Variants in JHY observed in about 807,000 individuals in gnomAD.
JHY encodes the protein jhy protein homolog.
JHY carries 69 observed loss-of-function variants against 78.0 expected under a neutral mutation model. That is an observed-to-expected ratio of 0.88 (90% CI 0.73 to 1.08). The LOEUF (loss-of-function observed/expected upper bound fraction) is 1.08. Among genes scored for constraint, JHY ranks in the 50% least tolerant of loss-of-function variants. The probability of loss-of-function intolerance (pLI) is 0.00; values close to 1 mark genes in which losing one functional copy is unlikely to be tolerated. For missense variants in JHY, 944 were observed against 927.8 expected, an observed-to-expected ratio of 1.02 and a Z score of -0.23; for synonymous variants, 368 against 342.6, an observed-to-expected ratio of 1.07 and a Z score of -0.82.
chr11:122,930,851 A>G (rs4128282), intron 4 of JHY, among the ~76,000 whole-genome samples: 25,412 of 152,150 alleles, frequency 0.17, 3,234 homozygotes, highest in African/African-American at 0.35. Flanking sequence ...TTGTGCTGCT[A>G]TAACAAAATA....
chr11:122,946,357 G>A, intron 5 of JHY, 141 bp from the exon 6 acceptor site: 1 of 866,622 alleles, frequency 1.2e-6, no homozygotes, highest in Non-Finnish European at 1.7e-6. Context: ...ATGTATTCAT[G>A]AAAAGATTAA....
chr11:122,914,648 T>A (rs1356082863), intron 3 of JHY, among the ~76,000 whole-genome samples: 1 of 152,036 alleles, frequency 6.6e-6, no homozygotes, highest in Non-Finnish European at 1.5e-5. Flanking sequence ...GTTCACCATG[T>A]TGGTCAGGCT....
rs140956136 is a variant in JHY, at chr11:122,960,496, G to A, written c.*1051G>A. 2.5e-4 allele frequency: 59 copies of A among 232,098 alleles called. No homozygotes were observed. The highest frequency in any genetic ancestry group is 7.6e-4 in the African/African-American group (33 of 43,372). The allele number at this position is 232,098 out of a possible 1,614,324, so 14.4% of individuals were successfully genotyped here. ...TCCTTTTCCTATAGAGGAAAAGTTC[G>A]TTTTGGGCTGATCCCTGAGGAATTC... On this transcript the variant is annotated 3_prime_UTR_variant, in exon 9 of 9. Coordinates refer to ENST00000227349, the MANE Select transcript of JHY (RefSeq NM_024806.4).
chr11:122,919,462 C>T (rs956787932), intron 3 of JHY, among the ~76,000 whole-genome samples: 3 of 151,854 alleles, frequency 2.0e-5, no homozygotes, highest in African/African-American at 7.3e-5. Context: ...CAATGGTGCC[C>T]CTGGCGCATC....
rs1233441880 is a variant in JHY, at chr11:122,961,919, C to T, written c.*2474C>T. Among the ~76,000 whole-genome samples, 1 of 152,178 alleles carries T rather than the reference C, an allele frequency of 6.6e-6. No homozygotes were observed. The highest frequency in any genetic ancestry group is 1.9e-4 in the East Asian group (1 of 5,196). ...AAACCCTCCAACAAGTCCAGAAACA[C>T]CTAATGCAGGCAACTCTGAGAGACA... On this transcript the variant is annotated 3_prime_UTR_variant, in exon 9 of 9. Transcript: ENST00000227349.
intron 2 of JHY, among the ~76,000 whole-genome samples, chr11:122,892,787 AG>A (rs1037704284): frequency 6.6e-6 from 1 of 152,210 alleles, no homozygotes; most frequent in Non-Finnish European, 1.5e-5. Flanking sequence ...AGAAAGACTT[AG>A]GGAAGACCAA....
chr11:122,899,306 G>A (rs1258057729), intron 2 of JHY, among the ~76,000 whole-genome samples: 1 of 152,014 alleles, frequency 6.6e-6, no homozygotes, highest in African/African-American at 2.4e-5. Context: ...CATAAATATG[G>A]GAAAATAGCA....
intron 2 of JHY, among the ~76,000 whole-genome samples, chr11:122,901,019 G>A (rs559420866): frequency 3.9e-5 from 6 of 152,266 alleles, no homozygotes; most frequent in East Asian, 1.9e-4. Flanking sequence ...ACAGGGGTAC[G>A]TTCTGAGAAA....
rs1864335035 is a variant in JHY, at chr11:122,962,453, G to A, written c.*3008G>A. On this transcript the variant is annotated 3_prime_UTR_variant, in exon 9 of 9. Coordinates refer to ENST00000227349, the MANE Select transcript of JHY (RefSeq NM_024806.4). ...ATCTGAAGATAAACAGAAAACTGGTGAATCATGTTTCAGTGGGATTTGGAA... is the reference window on the plus strand; with the variant it reads ...ATCTGAAGATAAACAGAAAACTGGTAAATCATGTTTCAGTGGGATTTGGAA... Among the ~76,000 whole-genome samples the A allele has an allele frequency of 6.6e-6, 1 of 152,140 alleles. No homozygotes were observed. Among genetic ancestry groups the A allele is most frequent in the African/African-American group, 2.4e-5 (1 of 41,420 alleles).
chr11:122,957,255 C>A, intron 7 of JHY, 108 bp from the exon 8 acceptor site: 1 of 1,264,784 alleles, frequency 7.9e-7, no homozygotes, highest in Non-Finnish European at 1.1e-6. Flanking sequence ...TGCTCCTGTA[C>A]AGCTGATAAG....
intron 2 of JHY, among the ~76,000 whole-genome samples, chr11:122,893,621 G>T (rs994288409): frequency 6.6e-6 from 1 of 152,162 alleles, no homozygotes; most frequent in Admixed American, 6.5e-5. Flanking sequence ...ATAATGAAAT[G>T]ACTAAAGGGA....
chr11:122,894,799 A>G (rs1862704296), intron 2 of JHY, among the ~76,000 whole-genome samples: 1 of 152,214 alleles, frequency 6.6e-6, no homozygotes, highest in African/African-American at 2.4e-5. Context: ...CAAATTATGT[A>G]TTTTTATAAA....
rs1461389907 is a variant in JHY at position 122,885,818 on chromosome 11, G to C, written c.-32G>C. On this transcript the variant is annotated 5_prime_UTR_variant, in exon 2 of 9. Coordinates refer to ENST00000227349, the MANE Select transcript of JHY (RefSeq NM_024806.4). ...CAGCCAGCTGCTCCTATCAACACGA[G>C]TATCCCCTGTTAATTTTTTGCATTT... 2 of 1,526,234 alleles carry C rather than the reference G, an allele frequency of 1.3e-6. No individual in the cohort carries two copies. Among genetic ancestry groups the C allele is most frequent in the East Asian group, 4.5e-5 (2 of 44,156 alleles). 94.5% of individuals were successfully genotyped at this position (1,526,234 alleles called of 1,614,324 possible). A position where few individuals can be genotyped will look rare whatever the true frequency, so the allele number is the denominator to read the frequency against.
Position 122,882,775 on chromosome 11 carries a change from T to A in JHY, c.-287T>A. The A allele has an allele frequency of 6.5e-6, 1 of 152,856 alleles. No homozygotes were observed. Among genetic ancestry groups the A allele is most frequent in the South Asian group, 1.8e-4 (1 of 5,416 alleles). 9.5% of individuals were successfully genotyped at this position (152,856 alleles called of 1,614,324 possible). ...GTCGTTATTACGGCCGTTTGCAGCCTCCGTGCCAGGGCCGGGGGTGCGGTT... is the reference window on the plus strand; with the variant it reads ...GTCGTTATTACGGCCGTTTGCAGCCACCGTGCCAGGGCCGGGGGTGCGGTT... On this transcript the variant is annotated 5_prime_UTR_variant, in exon 1 of 9. Transcript: ENST00000227349.
chr11:122,886,988 G>A (rs1354825115), intron 2 of JHY, among the ~76,000 whole-genome samples: 1 of 152,130 alleles, frequency 6.6e-6, no homozygotes, highest in Non-Finnish European at 1.5e-5. Flanking sequence ...AAAAAGTAAG[G>A]GAATATGAAA....
chr11:122,957,334 A>G (rs1219659463), intron 7 of JHY, 29 bp from the exon 8 acceptor site: 1 of 1,506,604 alleles, frequency 6.6e-7, no homozygotes, highest in African/African-American at 1.5e-5. Context: ...CAGCACCTGG[A>G]TTCATCATAA....
chr11:122,923,740 C>T (rs914167479), intron 3 of JHY, among the ~76,000 whole-genome samples: 2 of 151,712 alleles, frequency 1.3e-5, no homozygotes, highest in South Asian at 2.1e-4. Context: ...TATTTTGAGA[C>T]GGAGGCTCAC....
rs764739561 is a variant in JHY, at chr11:122,904,024, G to A, written c.444G>A (p.Pro148=). The change falls in exon 3 of 9, where the codon CCG becomes CCA. Residue 148 remains proline (P), a synonymous_variant. Coordinates refer to ENST00000227349, the MANE Select transcript of JHY (RefSeq NM_024806.4). ...EGQLLSVEAL[P]ESTDSSLENL... is the part of the protein sequence containing the mutation. Reference sequence around the variant, plus strand: ...AGCTGCTGTCTGTGGAAGCGTTGCCGGAGTCCACGGACAGCTCTTTAGAAA... The same window carrying A: ...AGCTGCTGTCTGTGGAAGCGTTGCCAGAGTCCACGGACAGCTCTTTAGAAA... 26 of 1,613,998 alleles carry A rather than the reference G, an allele frequency of 1.6e-5. No individual in the cohort carries two copies. The highest frequency in any genetic ancestry group is 2.0e-5 in the Non-Finnish European group (24 of 1,180,028).
intron 6 of JHY, among the ~76,000 whole-genome samples, chr11:122,949,912 C>A (rs1864050283): frequency 6.6e-6 from 1 of 151,370 alleles, no homozygotes; most frequent in African/African-American, 2.4e-5. Context: ...TCTCGGCTCA[C>A]TGCAACCTCC....
Sources: gnomAD v4.1 joint callset for allele counts (sites outside exome capture counted in the v4.1 genomes callset) on GRCh38, gnomAD v4.1.1 for gene constraint, MANE v1.5 for transcripts, NCBI Gene and HGNC (gene_info 2026-07-23, HGNC 2026-07-21) for gene names.